FGF14: variants seen among roughly 807,000 people sequenced by gnomAD.
FGF14 encodes fibroblast growth factor 14.
In FGF14, 5 loss-of-function variants were observed where a neutral mutation model predicts 25.5. That is an observed-to-expected ratio of 0.20 (90% CI 0.10 to 0.41). The LOEUF is 0.41. FGF14 is among the 10% of genes least tolerant of loss of function. The pLI, the probability that FGF14 is intolerant of heterozygous loss-of-function variation, is 1.00. For synonymous variants in FGF14, 138 were observed against 118.3 expected, an observed-to-expected ratio of 1.17 and a Z score of -1.08; for missense variants, 222 against 320.1, an observed-to-expected ratio of 0.69 and a Z score of 2.34.
chr13:102,365,061 G>A (rs1224898401), intron 1 of FGF14, among the ~76,000 whole-genome samples: 1 of 152,094 alleles, frequency 6.6e-6, no homozygotes, highest in Non-Finnish European at 1.5e-5. Context: ...TTTCTCCATT[G>A]TGGGAATGTA....
intron 1 of FGF14, among the ~76,000 whole-genome samples, chr13:102,214,539 G>A (rs529508200): frequency 1.1e-4 from 17 of 152,264 alleles, no homozygotes; most frequent in African/African-American, 4.1e-4. Context: ...TACTCATTAA[G>A]TGTGTTAAAT....
At chr13:101,872,393 A>T (rs2045148255) in intron 2 of FGF14, among the ~76,000 whole-genome samples, 1 of 151,804 alleles carries the variant, frequency 6.6e-6, no homozygotes, top group African/African-American at 2.4e-5. Context: ...CTAGGAAACT[A>T]TATGATTATT....
intron 1 of FGF14, among the ~76,000 whole-genome samples, chr13:102,079,487 C>A (rs555476370): frequency 1.4e-4 from 21 of 152,000 alleles, no homozygotes; most frequent in Admixed American, 1.4e-3. Flanking sequence ...CACTCTGTTG[C>A]CCAGGCTATC....
intron 3 of FGF14, among the ~76,000 whole-genome samples, chr13:101,851,458 G>A (rs985889578): frequency 1.3e-5 from 2 of 152,000 alleles, no homozygotes; most frequent in African/African-American, 4.8e-5. Context: ...CCAGGTTTGC[G>A]GTACTTTGTT....
chr13:102,151,135 T>C lies in FGF14; in HGVS notation c.208+250336A>G, dbSNP rs145744801. 2.8e-4 allele frequency among the ~76,000 whole-genome samples: 43 copies of C among 152,296 alleles called. No homozygotes were observed. In the East Asian group the frequency reaches 7.1e-3, roughly 25 times the overall value. On this transcript the variant is annotated intron_variant, in intron 1 of 4. Coordinates refer to the FGF14 transcript ENST00000376131. ...GAAGAAATGCTATTGGAAAACTTCA[T>C]TGTGTTTGAGGTTTTATTATAGTAC... is the stretch of plus-strand genomic sequence containing the variant.
chr13:102,334,497 C>G (rs986516475), intron 1 of FGF14, among the ~76,000 whole-genome samples: 10 of 152,118 alleles, frequency 6.6e-5, no homozygotes, highest in Non-Finnish European at 2.9e-5. Flanking sequence ...TCTTCAGAAA[C>G]AGCAGTGTCA....
chr13:102,275,262 TTCTCTCTCTC>T (rs56028235), intron 1 of FGF14, among the ~76,000 whole-genome samples: 1 of 68,916 alleles, frequency 1.5e-5, no homozygotes. Flanking sequence ...CTCTCTCTCT[TTCTCTCTCTC>T]TCTCTCTCTC....
chr13:101,950,816 G>A (rs1243612154), intron 1 of FGF14, among the ~76,000 whole-genome samples: 4 of 147,334 alleles, frequency 2.7e-5, no homozygotes, highest in Non-Finnish European at 4.5e-5. Context: ...CAGGTTTGCA[G>A]AGTTAAAAAG....
chr13:102,098,982 T>C (rs4771417), intron 1 of FGF14, among the ~76,000 whole-genome samples: 58,843 of 152,062 alleles, frequency 0.39, 13,491 homozygotes, highest in Non-Finnish European at 0.51. Flanking sequence ...AAGGAAACTA[T>C]AGACTGCCAT....
chr13:102,324,263 G>A (rs1456193751), intron 1 of FGF14, among the ~76,000 whole-genome samples: 2 of 152,038 alleles, frequency 1.3e-5, no homozygotes, highest in Non-Finnish European at 2.9e-5. Flanking sequence ...ACACTAATAA[G>A]AGCCTCATAT....
chr13:102,028,716 GT>G (rs2041061588), intron 1 of FGF14, among the ~76,000 whole-genome samples: 2 of 150,950 alleles, frequency 1.3e-5, no homozygotes, highest in Non-Finnish European at 3.0e-5. Flanking sequence ...GGTTTTTTTT[GT>G]TTTGTTTTTC....
intron 1 of FGF14, among the ~76,000 whole-genome samples, chr13:102,343,677 A>G (rs1594901870): frequency 6.6e-6 from 1 of 152,210 alleles, no homozygotes; most frequent in African/African-American, 2.4e-5. Context: ...TACGAATTCT[A>G]TGGGTCAAAA....
At chr13:102,234,595 A>T (rs1367284351) in intron 1 of FGF14, among the ~76,000 whole-genome samples, 1 of 152,170 alleles carries the variant, frequency 6.6e-6, no homozygotes, top group African/African-American at 2.4e-5. Context: ...AAATAAAATA[A>T]TTTTTTAAAT....
chr13:102,347,238 C>T (rs1459883923), intron 1 of FGF14, among the ~76,000 whole-genome samples: 1 of 152,072 alleles, frequency 6.6e-6, no homozygotes, highest in Non-Finnish European at 1.5e-5. Flanking sequence ...GCCCTATGCT[C>T]GACATCAGGG....
At chr13:101,868,668 C>T in intron 3 of FGF14, 57 bp downstream of exon 3, 1 of 1,069,192 alleles carries the variant, frequency 9.4e-7, no homozygotes, top group Non-Finnish European at 1.5e-6. Context: ...GTTGTTGCTG[C>T]CATTGTTATT....
At chr13:102,220,982 T>C (rs1458797377) in intron 1 of FGF14, among the ~76,000 whole-genome samples, 2 of 152,148 alleles carry the variant, frequency 1.3e-5, no homozygotes, top group South Asian at 2.1e-4. Flanking sequence ...ATAACAGGTA[T>C]AAAAGTGAAT....
At chr13:102,228,189 T>C (rs994115161) in intron 1 of FGF14, among the ~76,000 whole-genome samples, 5 of 152,224 alleles carry the variant, frequency 3.3e-5, no homozygotes, top group Non-Finnish European at 7.3e-5. Flanking sequence ...GTTAACTTTA[T>C]CCCACTATAT....
chr13:102,230,807 A>T (rs2051050585), intron 1 of FGF14, among the ~76,000 whole-genome samples: 1 of 152,220 alleles, frequency 6.6e-6, no homozygotes. Context: ...AGCATTGGAA[A>T]AAAATGCAAT....
chr13:101,905,356 G>A (rs1388829408), intron 1 of FGF14, among the ~76,000 whole-genome samples: 1 of 152,150 alleles, frequency 6.6e-6, no homozygotes, highest in Non-Finnish European at 1.5e-5. Flanking sequence ...TATACGCCAT[G>A]GGATACTATG....
Sources: gnomAD v4.1 joint callset for allele counts (sites outside exome capture counted in the v4.1 genomes callset) on GRCh38, gnomAD v4.1.1 for gene constraint, MANE v1.5 for transcripts, NCBI Gene and HGNC (gene_info 2026-07-23, HGNC 2026-07-21) for gene names.